Variants in FRAS1 observed in about 807,000 individuals in gnomAD.
The protein encoded by FRAS1 is extracellular matrix organizing protein FRAS1.
A neutral mutation model predicts 435.2 loss-of-function variants in FRAS1; 290 were observed. The ratio of observed to expected loss-of-function variants is 0.67; its 90% CI spans 0.61 to 0.73. The LOEUF (loss-of-function observed/expected upper bound fraction) is 0.73. Ranked by LOEUF, FRAS1 falls within the 30% of genes least tolerant of loss-of-function variation. The pLI is 0.00. For synonymous variants in FRAS1, 1,800 were observed against 1,851.0 expected (o/e 0.97, Z 0.71); for missense variants, 4,860 against 5,001.5 (o/e 0.97, Z 0.85).
intron 62 of FRAS1, among the ~76,000 whole-genome samples, chr4:78,507,819 T>C (rs1233184422): frequency 6.6e-6 from 1 of 152,180 alleles, no homozygotes; most frequent in Non-Finnish European, 1.5e-5. Context: ...GTGCTACTAG[T>C]ATCTAGTGGG....
chr4:78,358,794 A>C lies in FRAS1; in HGVS notation c.2423-4719A>C, dbSNP rs575940196. Among the ~76,000 whole-genome samples, 104 of 152,330 alleles carry C rather than the reference A, an allele frequency of 6.8e-4. 1 individual carries two copies. The Middle Eastern group carries it at 0.027, about 40-fold the overall frequency. On this transcript the variant is annotated intron_variant, in intron 20 of 73. Transcript: ENST00000512123. ...TAAGTAAATATTCAAACTGTAAGAA[A>C]AATGGCAGTTTTTTTGTTTGCTTAC...
chr4:78,065,081 T>TACACACAC (rs754079583), intron 1 of FRAS1, among the ~76,000 whole-genome samples: 3 of 125,694 alleles, frequency 2.4e-5, no homozygotes, highest in East Asian at 2.3e-4. Context: ...TATATATATA[T>TACACACAC]ATACATACAC....
intron 6 of FRAS1, among the ~76,000 whole-genome samples, chr4:78,257,505 A>G (rs1372077990): frequency 2.0e-5 from 3 of 152,174 alleles, no homozygotes; most frequent in Admixed American, 6.5e-5. Flanking sequence ...AAAATTTGCA[A>G]CCTGTCTTCA....
intron 58 of FRAS1, among the ~76,000 whole-genome samples, chr4:78,484,885 T>A (rs879815164): frequency 1.3e-5 from 2 of 152,244 alleles, no homozygotes; most frequent in Non-Finnish European, 2.9e-5. Context: ...ATATACTACA[T>A]GGTTTTAATT....
chr4:78,456,202 G>A (rs1578335803), intron 47 of FRAS1, among the ~76,000 whole-genome samples: 4 of 110,986 alleles, frequency 3.6e-5, no homozygotes, highest in African/African-American at 1.1e-4. Context: ...GGAGTGCAAC[G>A]GTGTGATCTT....
At chr4:78,238,976 AATT>A (rs1724882446) in intron 3 of FRAS1, among the ~76,000 whole-genome samples, 1 of 152,210 alleles carries the variant, frequency 6.6e-6, no homozygotes, top group African/African-American at 2.4e-5. Context: ...ATAATGTGAA[AATT>A]ATGTGAAATC....
At chr4:78,120,219 T>G (rs1039899405) in intron 2 of FRAS1, among the ~76,000 whole-genome samples, 1 of 152,128 alleles carries the variant, frequency 6.6e-6, no homozygotes, top group African/African-American at 2.4e-5. Flanking sequence ...GTTTTCCCTA[T>G]AAATAACAAA....
intron 2 of FRAS1, among the ~76,000 whole-genome samples, chr4:78,100,697 G>A (rs1742079016): frequency 1.3e-5 from 2 of 151,862 alleles, no homozygotes; most frequent in South Asian, 4.2e-4. Flanking sequence ...TTTTTCACTG[G>A]GCCCCACAAA....
At chr4:78,078,856 C>A (rs1740775080) in intron 2 of FRAS1, among the ~76,000 whole-genome samples, 1 of 152,054 alleles carries the variant, frequency 6.6e-6, no homozygotes, top group South Asian at 2.1e-4. Context: ...GGGATATAAC[C>A]TTATACCTGT....
intron 2 of FRAS1, among the ~76,000 whole-genome samples, chr4:78,232,311 T>C (rs969107661): frequency 2.0e-5 from 3 of 149,882 alleles, no homozygotes; most frequent in Non-Finnish European, 4.4e-5. Context: ...TTTGAGACAA[T>C]GTCTCACTCT....
chr4:78,359,153 G>T (rs985551292), intron 20 of FRAS1, among the ~76,000 whole-genome samples: 1 of 152,136 alleles, frequency 6.6e-6, no homozygotes, highest in African/African-American at 2.4e-5. Context: ...GTCTGAACCT[G>T]CTCAGCCCTT....
Position 78,419,003 on chromosome 4 carries a change from T to C in FRAS1, c.4480T>C (p.Ser1494Pro). ...IQPHSLSFIN[S>P]EKPSGKIVYN... ...GCCTCATTCCCTCTCCTTCATAAAC[T>C]CTGAGAAGCCAAGTGGAAAGATTGT... Residue 1494 changes from serine (S) to proline (P), a missense_variant, in exon 33 of 74, where the codon TCT becomes CCT. Transcript: ENST00000512123. 1.2e-6 allele frequency: 2 copies of C among 1,603,340 alleles called. No individual in the cohort carries two copies. The highest frequency in any genetic ancestry group is 1.7e-6 in the Non-Finnish European group (2 of 1,176,338).
chr4:78,281,819 A>G (rs997535176), intron 11 of FRAS1, among the ~76,000 whole-genome samples: 2 of 152,168 alleles, frequency 1.3e-5, no homozygotes, highest in Non-Finnish European at 2.9e-5. Flanking sequence ...TCATTCCCCA[A>G]ACAATCTCAA....
intron 65 of FRAS1, among the ~76,000 whole-genome samples, chr4:78,513,827 A>G (rs186301705): frequency 6.6e-5 from 10 of 152,354 alleles, no homozygotes; most frequent in Admixed American, 2.6e-4. Context: ...ATAAAGTGGG[A>G]ATAACAATTG....
chr4:78,278,400 T>C (rs1727163645), intron 9 of FRAS1, among the ~76,000 whole-genome samples: 1 of 152,192 alleles, frequency 6.6e-6, no homozygotes, highest in African/African-American at 2.4e-5. Context: ...CTCCTGGTCA[T>C]GGGTAGAAAA....
intron 2 of FRAS1, among the ~76,000 whole-genome samples, chr4:78,197,590 T>C (rs534050263): frequency 6.6e-6 from 1 of 152,226 alleles, no homozygotes; most frequent in Admixed American, 6.5e-5. Flanking sequence ...TTGTTTCAGA[T>C]ACATAGAGAA....
chr4:78,283,675 A>G (rs1323276823), intron 12 of FRAS1, among the ~76,000 whole-genome samples: 5 of 152,226 alleles, frequency 3.3e-5, no homozygotes, highest in Non-Finnish European at 5.9e-5. Flanking sequence ...TGTTGCACTC[A>G]GCTTATTTTG....
chr4:78,499,673 T>G, intron 60 of FRAS1, 48 bp from the exon 61 acceptor site: 1 of 1,542,928 alleles, frequency 6.5e-7, no homozygotes, highest in South Asian at 1.2e-5. Flanking sequence ...GTCTGAATCC[T>G]TTGTGCTATT....
rs1395710595 is a variant in FRAS1 at position 78,442,703 on chromosome 4, T to C, written c.5665+1406T>C. Among the ~76,000 whole-genome samples, 9 of 152,178 alleles carry C rather than the reference T, an allele frequency of 5.9e-5. No homozygotes were observed. The East Asian group carries it at 1.7e-3, about 29-fold the overall frequency. ...CAAATTTCTGGCAAGCTTCAGCCTC[T>C]CTAAAAAGTGGTTCTCAAACTTTAA... On this transcript the variant is annotated intron_variant, in intron 41 of 73. Transcript: ENST00000512123.
Sources: gnomAD v4.1 joint callset for allele counts (sites outside exome capture counted in the v4.1 genomes callset) on GRCh38, gnomAD v4.1.1 for gene constraint, MANE v1.5 for transcripts, NCBI Gene and HGNC (gene_info 2026-07-23, HGNC 2026-07-21) for gene names.